The following ZNF644 variants were observed in gnomAD, a reference collection of about 807,000 sequenced individuals.
ZNF644 encodes zinc finger motif enhancer binding protein 2.
A neutral mutation model predicts 108.0 loss-of-function variants in ZNF644; 20 were observed. The ratio of observed to expected loss-of-function variants is 0.19; its 90% confidence interval spans 0.13 to 0.27. The LOEUF (loss-of-function observed/expected upper bound fraction) is 0.27. Ranked by LOEUF, ZNF644 falls within the 10% of genes least tolerant of loss-of-function variation. ZNF644 has a pLI of 1.00. For missense variants in ZNF644, 1,338 were observed against 1,548.9 expected (o/e 0.86, Z 2.29); for synonymous variants, 542 against 539.1 (o/e 1.01, Z -0.08).
intron 1 of ZNF644, among the ~76,000 whole-genome samples, chr1:91,018,607 T>C (rs1396946783): frequency 6.6e-6 from 1 of 152,230 alleles, no homozygotes; most frequent in Non-Finnish European, 1.5e-5. Context: ...AATTTCTCCA[T>C]TTGCTGCAAG....
chr1:90,936,710 TA>T (rs1347175674), intron 4 of ZNF644, among the ~76,000 whole-genome samples: 1 of 152,182 alleles, frequency 6.6e-6, no homozygotes, highest in African/African-American at 2.4e-5. Context: ...TTTTCTAGTC[TA>T]AAAGTATAAA....
chr1:90,945,192 G>T (rs1301701370), intron 2 of ZNF644, among the ~76,000 whole-genome samples: 11 of 152,022 alleles, frequency 7.2e-5, no homozygotes, highest in African/African-American at 2.7e-4. Context: ...ATAAACTGAT[G>T]TTTGGACTCC....
At position 90,933,659 on chromosome 1, in the gene ZNF644, G is replaced by A. The variant is rs575292824; in HGVS notation, c.3688+3826C>T. On this transcript the variant is annotated intron_variant, in intron 4 of 5. Coordinates refer to ENST00000337393, the MANE Select transcript of ZNF644 (RefSeq NM_201269.3). ...AATCTGGGTGACAGAGCGAGACTCC[G>A]TCTCAAAATAAATAAATAAATAAAT... is the stretch of plus-strand genomic sequence containing the variant. Among the ~76,000 whole-genome samples, 31 of 119,780 alleles carry A rather than the reference G, an allele frequency of 2.6e-4. No individual in the cohort carries two copies. In the South Asian group the frequency reaches 6.6e-3, roughly 25 times the overall value. The allele number at this position is 119,780 out of a possible 152,430, so 78.6% of individuals were successfully genotyped here.
intron 1 of ZNF644, among the ~76,000 whole-genome samples, chr1:90,997,564 A>G (rs968913425): frequency 2.6e-5 from 4 of 151,550 alleles, no homozygotes; most frequent in Admixed American, 6.6e-5. Flanking sequence ...TAAAAAAAAA[A>G]GGGGAGGGGG....
chr1:90,951,720 C>A (rs1653191079), intron 2 of ZNF644, among the ~76,000 whole-genome samples: 1 of 152,172 alleles, frequency 6.6e-6, no homozygotes, highest in Admixed American at 6.5e-5. Flanking sequence ...ATCTAACACA[C>A]CATGCAATAT....
At chr1:91,010,982 T>C (rs1659915293) in intron 1 of ZNF644, among the ~76,000 whole-genome samples, 1 of 152,246 alleles carries the variant, frequency 6.6e-6, no homozygotes, top group Non-Finnish European at 1.5e-5. Context: ...GTGTATTTTT[T>C]TCTACATAGT....
intron 1 of ZNF644, among the ~76,000 whole-genome samples, chr1:91,015,800 ATCAC>A (rs1375962696): frequency 1.3e-5 from 2 of 152,204 alleles, no homozygotes; most frequent in African/African-American, 4.8e-5. Flanking sequence ...ACAACTGCAA[ATCAC>A]TCACAGGTGA....
At position 90,915,383 on chromosome 1, in the gene ZNF644, G is replaced by A. The variant is rs1456219719; in HGVS notation, c.*1415C>T. 6.6e-6 allele frequency: 1 copy of A among 152,320 alleles called. No individual in the cohort carries two copies. Among genetic ancestry groups the A allele is most frequent in the Non-Finnish European group, 1.5e-5 (1 of 67,956 alleles). 9.4% of individuals were successfully genotyped at this position (152,320 alleles called of 1,614,324 possible). A position where few individuals can be genotyped will look rare whatever the true frequency, so the allele number is the denominator to read the frequency against. On this transcript the variant is annotated 3_prime_UTR_variant, in exon 6 of 6. Coordinates refer to ENST00000337393, the MANE Select transcript of ZNF644 (RefSeq NM_201269.3). ...AGGAAAGCAATTTCACTGGCAGTGAGGTATGTATATACTCTACCAAAATAC... is the reference window on the plus strand; with the variant it reads ...AGGAAAGCAATTTCACTGGCAGTGAAGTATGTATATACTCTACCAAAATAC...
intron 2 of ZNF644, among the ~76,000 whole-genome samples, chr1:90,958,789 C>T (rs1191927408): frequency 2.0e-5 from 3 of 152,140 alleles, no homozygotes; most frequent in Non-Finnish European, 4.4e-5. Context: ...AAGTTGGAAG[C>T]CTGTCTCACA....
At chr1:91,013,451 T>TCACACACACACACA (rs10590932) in intron 1 of ZNF644, among the ~76,000 whole-genome samples, 2 of 140,052 alleles carry the variant, frequency 1.4e-5, no homozygotes, top group African/African-American at 2.6e-5. Context: ...AATCTCTCTC[T>TCACACACACACACA]CACACACACA....
Position 90,988,708 on chromosome 1 carries a change from A to C in ZNF644, c.-17-6338T>G, listed in dbSNP as rs1657350594. ...AAGACATATAAACCAATGAAACAAA[A>C]TATAGATAGCCCAATAATAAACCCA... On this transcript the variant is annotated intron_variant, in intron 1 of 5. Coordinates refer to ENST00000337393, the MANE Select transcript of ZNF644 (RefSeq NM_201269.3). 1.3e-5 allele frequency among the ~76,000 whole-genome samples: 2 copies of C among 152,210 alleles called. 1 individual carries two copies. Among genetic ancestry groups the C allele is most frequent in the South Asian group, 4.1e-4 (2 of 4,836 alleles).
rs967930695 is a variant in ZNF644, at chr1:90,915,929, G to C, written c.*869C>G. 3 of 152,518 alleles carry C rather than the reference G, an allele frequency of 2.0e-5. No individual in the cohort carries two copies. Among genetic ancestry groups the C allele is most frequent in the Non-Finnish European group, 2.9e-5 (2 of 67,980 alleles). 9.4% of individuals were successfully genotyped at this position (152,518 alleles called of 1,614,324 possible). ...ATAAAGTAAGAGGCAAACCTGTCCT[G>C]TAAGCATGTCAAATTTTAGGTAAAA... On this transcript the variant is annotated 3_prime_UTR_variant, in exon 6 of 6. Coordinates refer to ENST00000337393, the MANE Select transcript of ZNF644 (RefSeq NM_201269.3).
intron 2 of ZNF644, among the ~76,000 whole-genome samples, chr1:90,965,384 T>A (rs1310296428): frequency 4.6e-5 from 7 of 152,154 alleles, no homozygotes; most frequent in Admixed American, 3.3e-4. Context: ...TTTCTCCTTT[T>A]TATAAGCACA....
intron 4 of ZNF644, among the ~76,000 whole-genome samples, chr1:90,933,511 A>C (rs940925197): frequency 6.6e-6 from 1 of 152,042 alleles, no homozygotes; most frequent in Non-Finnish European, 1.5e-5. Context: ...AAAATACAAA[A>C]AAATTTGCCA....
chr1:90,972,261 C>A (rs148091187), intron 2 of ZNF644, among the ~76,000 whole-genome samples: 135 of 152,208 alleles, frequency 8.9e-4, no homozygotes, highest in African/African-American at 3.2e-3. Flanking sequence ...GGATTAATAT[C>A]TAGAACATAT....
intron 1 of ZNF644, among the ~76,000 whole-genome samples, chr1:91,018,082 G>C (rs1249514446): frequency 6.6e-6 from 1 of 152,162 alleles, no homozygotes; most frequent in Non-Finnish European, 1.5e-5. Context: ...TTTTTCATGG[G>C]AACTTCCTCT....
chr1:90,946,622 T>C (rs1475709260), intron 2 of ZNF644, among the ~76,000 whole-genome samples: 1 of 152,120 alleles, frequency 6.6e-6, no homozygotes, highest in Non-Finnish European at 1.5e-5. Context: ...TTATGATCTG[T>C]CAATAAATTG....
intron 2 of ZNF644, among the ~76,000 whole-genome samples, chr1:90,963,963 CTATAT>C (rs1654586851): frequency 6.6e-6 from 1 of 152,054 alleles, no homozygotes; most frequent in African/African-American, 2.4e-5. Flanking sequence ...TCTTTTATAG[CTATAT>C]ATGTGACCCT....
chr1:91,017,700 G>A (rs1219663351), intron 1 of ZNF644, among the ~76,000 whole-genome samples: 2 of 152,134 alleles, frequency 1.3e-5, no homozygotes, highest in African/African-American at 2.4e-5. Context: ...GGTGGCTCAC[G>A]CCTGTAATCC....
Sources: gnomAD v4.1 joint callset for allele counts (sites outside exome capture counted in the v4.1 genomes callset) on GRCh38, gnomAD v4.1.1 for gene constraint, MANE v1.5 for transcripts, NCBI Gene and HGNC (gene_info 2026-07-23, HGNC 2026-07-21) for gene names.